NRG2: variants seen among roughly 807,000 people sequenced by gnomAD.
NRG2 encodes neuregulin 2, also known as pro-neuregulin-2, membrane-bound isoform.
Under a neutral mutation model 73.9 loss-of-function variants are expected in NRG2, and 27 were observed. The ratio of observed to expected loss-of-function variants is 0.37; its 90% CI spans 0.27 to 0.50. The LOEUF (loss-of-function observed/expected upper bound fraction) is 0.50. Among genes scored for constraint, NRG2 ranks in the 20% least tolerant of loss-of-function variants. The pLI, the probability that NRG2 is intolerant of heterozygous loss-of-function variation, is 0.96. For missense variants in NRG2, 1,126 were observed against 1,210.1 expected (o/e 0.93, Z 1.03); for synonymous variants, 532 against 541.0 (o/e 0.98, Z 0.23).
rs545874150 is a variant in NRG2, at chr5:139,859,930, C to G, written c.1190-4152G>C. ...AAGGTGCTCTGGCAGTGCAGAAGAG[C>G]GAGGGTCACAAAGGGAGGGGTGGAG... On this transcript the variant is annotated intron_variant, in intron 5 of 9. Coordinates refer to ENST00000361474, the MANE Select transcript of NRG2 (RefSeq NM_004883.3). 3.2e-5 allele frequency: 52 copies of G among 1,609,440 alleles called. 1 individual carries two copies. In the African/African-American group the frequency reaches 5.8e-4, roughly 18 times the overall value.
At position 140,042,828 on chromosome 5, in the gene NRG2, G is replaced by C. The variant is rs1762045355; in HGVS notation, c.242C>G (p.Ala81Gly). The change falls in exon 1 of 10, where the codon GCC becomes GGC. Residue 81 changes from alanine to glycine, a missense_variant. Physicochemically the swap from Ala to Gly is moderately conservative, Grantham distance 60 (BLOSUM62 0). Transcript: ENST00000361474. The part of the protein sequence containing the change: ...PQPRSPAARR[A>G]AARSRAAAAG... ...GGCTGCGGCTCGCGAACGGGCGGCG[G>C]CTCTCCGGGCTGCGGGGCTGCGGGG... is the stretch of plus-strand genomic sequence containing the variant. 2 of 1,486,148 alleles carry C rather than the reference G, an allele frequency of 1.3e-6. No individual in the cohort carries two copies. Among genetic ancestry groups the C allele is most frequent in the Non-Finnish European group, 1.8e-6 (2 of 1,122,932 alleles). The allele number at this position is 1,486,148 out of a possible 1,614,324, so 92.1% of individuals were successfully genotyped here.
Position 140,043,092 on chromosome 5 carries a change from T to C in NRG2, c.-23A>G, listed in dbSNP as rs2126720953. On this transcript the variant is annotated 5_prime_UTR_variant, in exon 1 of 10. Transcript: ENST00000361474. This position sits in a 1 kb window ranked among gnomAD's most constrained non-coding sequence, Gnocchi z 6.7. ...CATCTGGCCAGGCCATTTGGGGGGC[T>C]CCGCCGCTCAGCCGCCGCCGCCTTG... 1 of 1,566,428 alleles carries C rather than the reference T, an allele frequency of 6.4e-7. No individual in the cohort carries two copies. The highest frequency in any genetic ancestry group is 2.4e-5 in the East Asian group (1 of 41,746).
chr5:140,019,352 C>CAACTGG, intron 1 of NRG2: 1 of 152,426 alleles, frequency 6.6e-6, no homozygotes, highest in East Asian at 1.9e-4. Flanking sequence ...CCACAGAACC[C>CAACTGG]TTCAAAGAAC....
intron 3 of NRG2, among the ~76,000 whole-genome samples, chr5:139,875,616 G>C (rs747280693): frequency 2.0e-5 from 3 of 152,086 alleles, no homozygotes; most frequent in Non-Finnish European, 4.4e-5. Context: ...GGTCATTAGG[G>C]GAATGAAAAT....
intron 1 of NRG2, among the ~76,000 whole-genome samples, chr5:140,023,393 T>C (rs980840499): frequency 8.5e-5 from 13 of 152,200 alleles, no homozygotes; most frequent in African/African-American, 3.1e-4. Flanking sequence ...CCTCCAAATC[T>C]ATTCATTCAA....
At chr5:139,930,119 C>T (rs1752357111) in intron 1 of NRG2, among the ~76,000 whole-genome samples, 1 of 152,174 alleles carries the variant, frequency 6.6e-6, no homozygotes, top group African/African-American at 2.4e-5. Context: ...GGCACCCTTG[C>T]TTTTTCCTAA....
intron 1 of NRG2, among the ~76,000 whole-genome samples, chr5:139,985,304 C>A (rs558815321): frequency 6.6e-6 from 1 of 150,486 alleles, no homozygotes; most frequent in Non-Finnish European, 1.5e-5. Flanking sequence ...TGCACCACTG[C>A]ACTCTAGCCT....
chr5:140,028,998 T>A (rs1485177555), intron 1 of NRG2, among the ~76,000 whole-genome samples: 7 of 152,228 alleles, frequency 4.6e-5, no homozygotes, highest in Non-Finnish European at 8.8e-5. Flanking sequence ...CAGAATTATA[T>A]GCTTGACATG....
chr5:139,854,905 A>G (rs1409415339), intron 6 of NRG2, among the ~76,000 whole-genome samples: 3 of 152,112 alleles, frequency 2.0e-5, no homozygotes, highest in African/African-American at 7.2e-5. Context: ...CTATGGTACC[A>G]TCTGGGTCCC....
At chr5:139,861,299 A>G (rs142559813) in intron 5 of NRG2, among the ~76,000 whole-genome samples, 2 of 152,078 alleles carry the variant, frequency 1.3e-5, no homozygotes, top group East Asian at 1.9e-4. Flanking sequence ...ACTGTGTCTG[A>G]TATTCTCATC....
At chr5:139,944,220 C>T (rs996271401) in intron 1 of NRG2, among the ~76,000 whole-genome samples, 6 of 152,238 alleles carry the variant, frequency 3.9e-5, no homozygotes, top group African/African-American at 1.4e-4. Flanking sequence ...GGGCAATTAG[C>T]ATATCCATCA....
At chr5:139,893,041 A>C (rs965307606) in intron 1 of NRG2, among the ~76,000 whole-genome samples, 3 of 152,218 alleles carry the variant, frequency 2.0e-5, no homozygotes, top group Non-Finnish European at 2.9e-5. Context: ...TTTTGTTGTG[A>C]AAAAATTACA....
chr5:139,848,598 G>A lies in NRG2; in HGVS notation c.1872C>T (p.Asn624=), dbSNP rs1479069667. 3 of 1,574,052 alleles carry A rather than the reference G, an allele frequency of 1.9e-6. No homozygotes were observed. The highest frequency in any genetic ancestry group is 4.8e-5 in the East Asian group (2 of 41,608). ...QVPTFEITSP[N]SAHAVSLPPA... ...GCGGCAGCGACACGGCGTGCGCCGA[G>A]TTGGGGGACGTGATCTCGAAAGTTG... The change falls in exon 10 of 10, where the codon AAC becomes AAT. Residue 624 remains asparagine (N), a synonymous_variant. Coordinates refer to ENST00000361474, the MANE Select transcript of NRG2 (RefSeq NM_004883.3).
Position 139,958,139 on chromosome 5 carries a change from A to G in NRG2, c.701-70628T>C, listed in dbSNP as rs1754777140. 2.0e-5 allele frequency among the ~76,000 whole-genome samples: 3 copies of G among 152,130 alleles called. No individual in the cohort carries two copies. In the South Asian group the frequency reaches 6.2e-4, roughly 31 times the overall value. Reference sequence around the variant, plus strand: ...ACAAAGCAATGCAAGGCCTGACTACAACTTTGCTCAGCCTCAGTCTTACAG... The same window carrying G: ...ACAAAGCAATGCAAGGCCTGACTACGACTTTGCTCAGCCTCAGTCTTACAG... On this transcript the variant is annotated intron_variant, in intron 1 of 9. Coordinates refer to ENST00000361474, the MANE Select transcript of NRG2 (RefSeq NM_004883.3).
chr5:139,982,129 A>G (rs1756849103), intron 1 of NRG2, among the ~76,000 whole-genome samples: 1 of 152,096 alleles, frequency 6.6e-6, no homozygotes, highest in Non-Finnish European at 1.5e-5. Context: ...GGCTTCCCAC[A>G]CCTCCTCACT....
Position 139,904,284 on chromosome 5 carries a change from C to A in NRG2, c.701-16773G>T. 1 of 1,583,034 alleles carries A rather than the reference C, an allele frequency of 6.3e-7. No homozygotes were observed. Among genetic ancestry groups the A allele is most frequent in the Non-Finnish European group, 8.5e-7 (1 of 1,173,278 alleles). On this transcript the variant is annotated intron_variant, in intron 1 of 9. Transcript: ENST00000361474. The surrounding 1 kb of genome is among the most constrained non-coding windows in gnomAD (Gnocchi z 6.0). ...GGTTTCTCCCAGGGAAACCGGGTTT[C>A]TGGGCGCGCGGAGGTGCCCTACCTT... is the stretch of plus-strand genomic sequence containing the variant.
intron 1 of NRG2, among the ~76,000 whole-genome samples, chr5:139,942,568 C>T (rs375328902): frequency 2.0e-5 from 3 of 152,152 alleles, no homozygotes; most frequent in African/African-American, 7.2e-5. Context: ...CTCAAATAAA[C>T]AATAATAAAT....
At chr5:139,953,842 G>A (rs748069818) in intron 1 of NRG2, among the ~76,000 whole-genome samples, 1 of 152,144 alleles carries the variant, frequency 6.6e-6, no homozygotes, top group Non-Finnish European at 1.5e-5. Context: ...GGTGATCCAA[G>A]CCCCCCATCT....
intron 1 of NRG2, among the ~76,000 whole-genome samples, chr5:139,982,761 GCTTTCCCCTGGTCCAGTGAGCAGGGGA>G: frequency 6.6e-6 from 1 of 152,204 alleles, no homozygotes; most frequent in Admixed American, 6.5e-5. Context: ...AAGGCGCCTT[GCTTTCCCCTGGTCCAGTGAGCAGGGGA>G]CAGATCTTTT....
Sources: allele counts gnomAD v4.1 joint callset (sites outside exome capture counted in the v4.1 genomes callset), GRCh38; gene constraint gnomAD v4.1.1; non-coding constraint Gnocchi (gnomAD v3.1); transcripts MANE v1.5; gene names NCBI Gene and HGNC (gene_info 2026-07-23, HGNC 2026-07-21).